Variants in ACTR3B observed in about 807,000 individuals in gnomAD.
ACTR3B encodes the protein actin related protein 3B.
In ACTR3B, 8 loss-of-function variants were observed where a neutral mutation model predicts 59.0. The ratio of observed to expected loss-of-function variants is 0.14; its 90% confidence interval spans 0.08 to 0.24. The LOEUF (loss-of-function observed/expected upper bound fraction) is 0.24, where lower values mean the gene tolerates loss of function less well. Ranked by LOEUF, ACTR3B falls within the 10% of genes least tolerant of loss-of-function variation. The pLI is 1.00. For missense variants in ACTR3B, 245 were observed against 552.3 expected, an observed-to-expected ratio of 0.44 and a Z score of 5.58; for synonymous variants, 148 against 197.9, an observed-to-expected ratio of 0.75 and a Z score of 2.12.
chr7:152,772,737 T>A (rs1028826978), intron 1 of ACTR3B, among the ~76,000 whole-genome samples: 4 of 130,526 alleles, frequency 3.1e-5, no homozygotes, highest in African/African-American at 1.2e-4. Flanking sequence ...AATAGAAAGG[T>A]TGAAGTATAA....
chr7:152,810,408 GTT>G (rs1165466125), intron 4 of ACTR3B, among the ~76,000 whole-genome samples: 29 of 126,888 alleles, frequency 2.3e-4, no homozygotes, highest in Admixed American at 3.3e-4. Context: ...CACCCAGCCT[GTT>G]TTTTTTTTTT....
At chr7:152,768,915 G>A (rs554712607) in intron 1 of ACTR3B, among the ~76,000 whole-genome samples, 50 of 151,706 alleles carry the variant, frequency 3.3e-4, no homozygotes, top group Non-Finnish European at 5.3e-4. Context: ...GTGCAGTGGC[G>A]TGATGTCGGC....
intron 9 of ACTR3B, among the ~76,000 whole-genome samples, chr7:152,844,663 A>G (rs1254380860): frequency 6.6e-6 from 1 of 151,346 alleles, no homozygotes; most frequent in African/African-American, 2.4e-5. Flanking sequence ...GGCTGGGTAA[A>G]CTGGCCTTTT....
chr7:152,774,418 G>A (rs2098131694), intron 1 of ACTR3B, among the ~76,000 whole-genome samples: 10 of 151,996 alleles, frequency 6.6e-5, no homozygotes. Flanking sequence ...TTACAGGTGT[G>A]AGCCACTGCA....
intron 2 of ACTR3B, among the ~76,000 whole-genome samples, chr7:152,792,943 A>C (rs2098202047): frequency 6.6e-6 from 1 of 151,306 alleles, no homozygotes; most frequent in African/African-American, 2.4e-5. Context: ...CAGTTCTTTC[A>C]GCACAAAAAT....
At chr7:152,831,247 T>G (rs371948126) in intron 9 of ACTR3B, among the ~76,000 whole-genome samples, 9 of 152,222 alleles carry the variant, frequency 5.9e-5, no homozygotes, top group African/African-American at 1.7e-4. Flanking sequence ...CGTGGGAGGC[T>G]GGTGGAGATG....
intron 9 of ACTR3B, among the ~76,000 whole-genome samples, chr7:152,832,078 G>A (rs1218889041): frequency 1.3e-5 from 2 of 152,212 alleles, no homozygotes; most frequent in African/African-American, 2.4e-5. Flanking sequence ...AGGCAGGACA[G>A]TGCCCGTATT....
chr7:152,831,616 G>T (rs1180965142), intron 9 of ACTR3B, among the ~76,000 whole-genome samples: 6 of 152,268 alleles, frequency 3.9e-5, no homozygotes, highest in African/African-American at 1.4e-4. Context: ...ATCAACTCAG[G>T]TCGGAGTGAA....
chr7:152,832,939 A>G (rs1010360614), intron 9 of ACTR3B, among the ~76,000 whole-genome samples: 1 of 152,202 alleles, frequency 6.6e-6, no homozygotes, highest in African/African-American at 2.4e-5. Flanking sequence ...GTCTGGTTAA[A>G]TCACTGGGTG....
intron 2 of ACTR3B, among the ~76,000 whole-genome samples, chr7:152,800,107 T>G (rs2098230173): frequency 6.6e-6 from 1 of 152,248 alleles, no homozygotes; most frequent in Non-Finnish European, 1.5e-5. Flanking sequence ...GGCTATGTGA[T>G]GTAGAGTCTT....
At chr7:152,851,875 G>C (rs1340452802) in intron 9 of ACTR3B, among the ~76,000 whole-genome samples, 1 of 152,098 alleles carries the variant, frequency 6.6e-6, no homozygotes, top group Admixed American at 6.6e-5. Flanking sequence ...TGAGGGAGCA[G>C]GATCGCCTTG....
At chr7:152,832,275 G>A (rs905297996) in intron 9 of ACTR3B, among the ~76,000 whole-genome samples, 5 of 152,172 alleles carry the variant, frequency 3.3e-5, no homozygotes, top group Admixed American at 2.0e-4. Context: ...GGAAGACTAG[G>A]TCTAGTTTGG....
chr7:152,778,298 C>T (rs1015945004), intron 1 of ACTR3B, among the ~76,000 whole-genome samples: 1 of 149,046 alleles, frequency 6.7e-6, no homozygotes, highest in Non-Finnish European at 1.5e-5. Context: ...GAGTCTCACT[C>T]TGTTGCCCAG....
chr7:152,832,198 T>G (rs1797087388), intron 9 of ACTR3B, among the ~76,000 whole-genome samples: 1 of 151,868 alleles, frequency 6.6e-6, no homozygotes, highest in Admixed American at 6.6e-5. Context: ...TCTTGCTGCT[T>G]ATCTAGGAGG....
intron 4 of ACTR3B, among the ~76,000 whole-genome samples, chr7:152,803,221 A>T (rs1330952713): frequency 2.0e-5 from 3 of 151,954 alleles, no homozygotes; most frequent in African/African-American, 4.8e-5. Flanking sequence ...ATTTTTAAAA[A>T]TTTTTTTGTG....
At position 152,853,499 on chromosome 7, in the gene ACTR3B, G is replaced by A; in HGVS notation, c.1083G>A (p.Lys361=). 6.2e-7 allele frequency: 1 copy of A among 1,614,002 alleles called. No homozygotes were observed. Among genetic ancestry groups the A allele is most frequent in the South Asian group, 1.1e-5 (1 of 91,046 alleles). The change falls in exon 11 of 12, where the codon AAG becomes AAA. Residue 361 remains lysine (K), a synonymous_variant. Transcript: ENST00000256001. ...AGAGCTGCTTTCTCTTCCAGCCGAA[G>A]CCTGTGGAGGTCCAGGTGGTCACGC... ...EELSGGRIKP[K]PVEVQVVTHH... is the part of the protein sequence containing the mutation.
intron 7 of ACTR3B, among the ~76,000 whole-genome samples, chr7:152,821,135 C>T (rs139047956): frequency 0.13 from 19,334 of 149,254 alleles, 1,022 homozygotes; most frequent in African/African-American, 0.26. Context: ...GGGCTCTCAG[C>T]GCTGAAATGG....
At chr7:152,825,774 T>G (rs1796523583) in intron 9 of ACTR3B, among the ~76,000 whole-genome samples, 2 of 152,174 alleles carry the variant, frequency 1.3e-5, no homozygotes, top group South Asian at 4.1e-4. Context: ...CATGCATATT[T>G]GGGTTTGGTG....
At chr7:152,801,517 G>T in intron 3 of ACTR3B, 104 bp from the exon 4 acceptor site, 2 of 1,438,834 alleles carry the variant, frequency 1.4e-6, no homozygotes, top group South Asian at 1.4e-5. Flanking sequence ...CAATAAGAAG[G>T]ATACCTTTAT....
Sources: allele counts gnomAD v4.1 joint callset (sites outside exome capture counted in the v4.1 genomes callset), GRCh38; gene constraint gnomAD v4.1.1; transcripts MANE v1.5; gene names NCBI Gene and HGNC (gene_info 2026-07-23, HGNC 2026-07-21).